The following YAF2 variants were observed in gnomAD, a reference collection of about 807,000 sequenced individuals.
YAF2 encodes YY1 associated factor 2.
In YAF2, 7 loss-of-function variants were observed where a neutral mutation model predicts 20.1. The ratio of observed to expected loss-of-function variants is 0.35; its 90% CI spans 0.20 to 0.65. YAF2 has a LOEUF of 0.65. Among genes scored for constraint, YAF2 ranks in the 30% least tolerant of loss-of-function variants. YAF2 has a pLI of 0.69. For missense variants in YAF2, 151 were observed against 219.2 expected (o/e 0.69, Z 1.96); for synonymous variants, 74 against 76.0 (o/e 0.97, Z 0.14).
chr12:42,234,647 G>A (rs1396626928), intron 2 of YAF2: 2 of 984,342 alleles, frequency 2.0e-6, no homozygotes, highest in African/African-American at 3.5e-5. Context: ...GTTGCATAAA[G>A]AATTTGAACT....
At chr12:42,167,234 C>T (rs749628575) in intron 2 of YAF2, among the ~76,000 whole-genome samples, 21 of 152,020 alleles carry the variant, frequency 1.4e-4, no homozygotes, top group Non-Finnish European at 2.4e-4. Flanking sequence ...TACAGCAAAC[C>T]ACCATGACAC....
chr12:42,180,458 A>T (rs1230245729), intron 2 of YAF2, among the ~76,000 whole-genome samples: 1 of 152,176 alleles, frequency 6.6e-6, no homozygotes, highest in Non-Finnish European at 1.5e-5. Flanking sequence ...GGGACCCTTG[A>T]GAGAGCTGCA....
intron 2 of YAF2, among the ~76,000 whole-genome samples, chr12:42,230,380 G>A (rs1388726815): frequency 6.6e-6 from 1 of 152,204 alleles, no homozygotes; most frequent in Non-Finnish European, 1.5e-5. Context: ...AGCAGGAAAT[G>A]AAGCTAGGAA....
At chr12:42,224,434 T>C (rs1235265512) in intron 2 of YAF2, among the ~76,000 whole-genome samples, 1 of 152,182 alleles carries the variant, frequency 6.6e-6, no homozygotes, top group Admixed American at 6.5e-5. Context: ...ACCTCCAGGT[T>C]TGTTACATAG....
At chr12:42,198,154 A>G (rs2066803469) in intron 2 of YAF2, among the ~76,000 whole-genome samples, 1 of 152,180 alleles carries the variant, frequency 6.6e-6, no homozygotes, top group African/African-American at 2.4e-5. Flanking sequence ...TTTCTGGTTC[A>G]GAGTAATGAC....
chr12:42,219,736 A>C (rs2067460180), intron 2 of YAF2, among the ~76,000 whole-genome samples: 1 of 152,234 alleles, frequency 6.6e-6, no homozygotes, highest in African/African-American at 2.4e-5. Context: ...CAGAAAAAAT[A>C]CAGCAGTGTT....
At chr12:42,221,891 A>T (rs1460029213) in intron 2 of YAF2, among the ~76,000 whole-genome samples, 2 of 152,186 alleles carry the variant, frequency 1.3e-5, no homozygotes, top group Non-Finnish European at 2.9e-5. Flanking sequence ...CCCTCTGAAG[A>T]CGCTCTTATC....
At chr12:42,213,733 G>GT (rs1346086706) in intron 2 of YAF2, among the ~76,000 whole-genome samples, 5 of 152,140 alleles carry the variant, frequency 3.3e-5, no homozygotes, top group East Asian at 3.9e-4. Context: ...CATATAAACC[G>GT]TAAGTACTGA....
intron 2 of YAF2, among the ~76,000 whole-genome samples, chr12:42,175,260 A>C (rs2066150115): frequency 6.6e-6 from 1 of 152,198 alleles, no homozygotes; most frequent in Non-Finnish European, 1.5e-5. Context: ...GACCAAAAAA[A>C]TACACACTGT....
intron 2 of YAF2, among the ~76,000 whole-genome samples, chr12:42,184,309 T>G (rs907827820): frequency 6.6e-5 from 10 of 152,056 alleles, no homozygotes; most frequent in African/African-American, 2.4e-4. Flanking sequence ...AAAGACTTAT[T>G]ATTATTATTA....
intron 2 of YAF2, among the ~76,000 whole-genome samples, chr12:42,206,443 T>C (rs2067044175): frequency 1.3e-5 from 2 of 151,982 alleles, no homozygotes; most frequent in African/African-American, 4.8e-5. Context: ...ACCCCATTTC[T>C]ACTAAAAATA....
In YAF2 at chr12:42,196,650, A is replaced by C. The variant is rs563338829; in HGVS notation, c.153-34885T>G. On this transcript the variant is annotated intron_variant, in intron 2 of 3. Transcript: ENST00000534854. The stretch of plus-strand genomic sequence containing the variant: ...ACCCAAGAGGCAACAAGGACTGTGG[A>C]AAGCAAAAGCCCCAACTAAATGGTG... 2.0e-5 allele frequency among the ~76,000 whole-genome samples: 3 copies of C among 152,360 alleles called. No homozygotes were observed. The South Asian group carries it at 6.2e-4, about 32-fold the overall frequency.
intron 2 of YAF2, among the ~76,000 whole-genome samples, chr12:42,222,754 AT>A (rs199502778): frequency 4.6e-4 from 70 of 151,348 alleles, no homozygotes; most frequent in Non-Finnish European, 8.9e-4. Context: ...ATATTCAGGG[AT>A]TTTTTTTTCC....
chr12:42,158,775 T>C lies in YAF2; in HGVS notation c.*1814A>G, dbSNP rs958336314. 2.0e-5 allele frequency: 3 copies of C among 152,196 alleles called. No homozygotes were observed. Among genetic ancestry groups the C allele is most frequent in the Admixed American group, 2.0e-4 (3 of 15,272 alleles). 9.4% of individuals were successfully genotyped at this position (152,196 alleles called of 1,614,324 possible). A position where few individuals can be genotyped will look rare whatever the true frequency, so the allele number is the denominator to read the frequency against. On this transcript the variant is annotated 3_prime_UTR_variant, in exon 4 of 4. Coordinates refer to ENST00000534854, the MANE Select transcript of YAF2 (RefSeq NM_005748.6). ...TTTCTCTCTTGCAGCTCATTTAAAA[T>C]ACATCCTGAAAGTTATTTGATCATA...
intron 2 of YAF2, among the ~76,000 whole-genome samples, chr12:42,201,792 G>A (rs2066905065): frequency 1.3e-5 from 2 of 152,132 alleles, no homozygotes; most frequent in African/African-American, 4.8e-5. Flanking sequence ...GGCTGGTCTT[G>A]CACTCCTGAC....
intron 2 of YAF2, among the ~76,000 whole-genome samples, chr12:42,215,660 C>G (rs2067332137): frequency 4.6e-5 from 7 of 152,136 alleles, no homozygotes; most frequent in Admixed American, 4.6e-4. Flanking sequence ...TGGTGGCTCA[C>G]ACCTATAATC....
intron 2 of YAF2, among the ~76,000 whole-genome samples, chr12:42,208,320 G>A (rs1473305108): frequency 6.6e-6 from 1 of 152,054 alleles, no homozygotes; most frequent in African/African-American, 2.4e-5. Context: ...CAGCTACTTG[G>A]GAGGCTGAGG....
intron 2 of YAF2, among the ~76,000 whole-genome samples, chr12:42,178,923 C>T (rs1245518355): frequency 1.3e-5 from 2 of 151,930 alleles, no homozygotes; most frequent in Non-Finnish European, 2.9e-5. Flanking sequence ...TGTGGTGGTG[C>T]GTGCCTGTAG....
intron 2 of YAF2, chr12:42,235,095 C>A: frequency 1.0e-6 from 1 of 985,812 alleles, no homozygotes; most frequent in South Asian, 4.7e-5. Flanking sequence ...ATGGCTTAGA[C>A]TTGGCCTAAC....
Sources: gnomAD v4.1 joint callset for allele counts (sites outside exome capture counted in the v4.1 genomes callset) on GRCh38, gnomAD v4.1.1 for gene constraint, MANE v1.5 for transcripts, NCBI Gene and HGNC (gene_info 2026-07-23, HGNC 2026-07-21) for gene names.